UNC5D: variants seen among roughly 807,000 people sequenced by gnomAD.
UNC5D encodes the protein netrin receptor UNC5D.
In UNC5D, 39 loss-of-function variants were observed where a neutral mutation model predicts 105.4. The observed-to-expected ratio is 0.37, with a 90% confidence interval of 0.29 to 0.48. The LOEUF is 0.48. Among genes scored for constraint, UNC5D ranks in the 20% least tolerant of loss-of-function variants. The pLI is 0.98. For synonymous variants in UNC5D, 452 were observed against 450.4 expected, an observed-to-expected ratio of 1.00 and a Z score of -0.04; for missense variants, 991 against 1,202.4, an observed-to-expected ratio of 0.82 and a Z score of 2.60.
chr8:35,467,024 A>G (rs761055275), intron 1 of UNC5D, among the ~76,000 whole-genome samples: 3 of 152,178 alleles, frequency 2.0e-5, no homozygotes, highest in Non-Finnish European at 4.4e-5. Context: ...GCTGTCTCCT[A>G]GAGACTCTTT....
chr8:35,680,324 CAT>C (rs1412108866), intron 4 of UNC5D, among the ~76,000 whole-genome samples: 1 of 152,170 alleles, frequency 6.6e-6, no homozygotes, highest in Non-Finnish European at 1.5e-5. Flanking sequence ...TGGTAGGAAA[CAT>C]ATTGCTCTAA....
intron 3 of UNC5D, among the ~76,000 whole-genome samples, chr8:35,583,294 A>G (rs1412045670): frequency 1.3e-5 from 2 of 152,132 alleles, no homozygotes. Context: ...TTTAAGCTGT[A>G]GTTAGCTATG....
chr8:35,339,446 C>A (rs749839943), intron 1 of UNC5D, among the ~76,000 whole-genome samples: 17 of 152,126 alleles, frequency 1.1e-4, no homozygotes, highest in Non-Finnish European at 1.6e-4. Flanking sequence ...TCTATTTATG[C>A]TCAAAGTGAA....
intron 1 of UNC5D, chr8:35,525,339 AT>A (rs1273149299): frequency 1.1e-5 from 17 of 1,612,150 alleles, no homozygotes; most frequent in African/African-American, 9.3e-5. Flanking sequence ...TGGGGGTGTA[AT>A]AACAACTTCT....
At chr8:35,761,530 T>G (rs1801535146) in intron 14 of UNC5D, among the ~76,000 whole-genome samples, 1 of 152,212 alleles carries the variant, frequency 6.6e-6, no homozygotes, top group Non-Finnish European at 1.5e-5. Context: ...ACTGCCGGGA[T>G]GGGCTGGATT....
At chr8:35,589,753 A>T (rs76833864) in intron 3 of UNC5D, among the ~76,000 whole-genome samples, 1,966 of 152,298 alleles carry the variant, frequency 0.013, 40 homozygotes, top group African/African-American at 0.044. Flanking sequence ...TCATACAATA[A>T]GTGGACTTTT....
chr8:35,528,599 C>G (rs1206704003), intron 1 of UNC5D, among the ~76,000 whole-genome samples: 1 of 146,790 alleles, frequency 6.8e-6, no homozygotes, highest in Non-Finnish European at 1.5e-5. Context: ...ATTTCTAGTT[C>G]TAGATCCCTG....
intron 1 of UNC5D, among the ~76,000 whole-genome samples, chr8:35,373,584 C>A (rs1332976225): frequency 2.0e-5 from 3 of 152,122 alleles, no homozygotes. Flanking sequence ...ATAAAGCTGA[C>A]AATTCATGCA....
intron 1 of UNC5D, among the ~76,000 whole-genome samples, chr8:35,351,480 A>G (rs1812234014): frequency 6.6e-6 from 1 of 152,100 alleles, no homozygotes; most frequent in African/African-American, 2.4e-5. Context: ...CTCAAGTATT[A>G]TGGAAAGGCG....
intron 7 of UNC5D, among the ~76,000 whole-genome samples, chr8:35,690,059 T>A (rs968782626): frequency 7.9e-5 from 12 of 152,340 alleles, no homozygotes; most frequent in Admixed American, 7.8e-4. Flanking sequence ...GCCTTTTCTT[T>A]CTATTCAATC....
At chr8:35,682,164 C>G (rs1395857770) in intron 4 of UNC5D, among the ~76,000 whole-genome samples, 1 of 152,132 alleles carries the variant, frequency 6.6e-6, no homozygotes, top group Non-Finnish European at 1.5e-5. Context: ...AGGGTTTCAC[C>G]ATGTTGGTCA....
chr8:35,627,772 T>C (rs1489848886), intron 4 of UNC5D, among the ~76,000 whole-genome samples: 1 of 151,944 alleles, frequency 6.6e-6, no homozygotes, highest in African/African-American at 2.4e-5. Context: ...CTCCAAAAAA[T>C]AGAAAAATTA....
intron 1 of UNC5D, among the ~76,000 whole-genome samples, chr8:35,469,469 T>C (rs140410171): frequency 0.022 from 3,279 of 152,294 alleles, 57 homozygotes; most frequent in Admixed American, 0.065. Flanking sequence ...TTGTCATCAT[T>C]TACTGGGACA....
At chr8:35,705,334 C>G (rs10503982) in intron 7 of UNC5D, among the ~76,000 whole-genome samples, 8,648 of 152,184 alleles carry the variant, frequency 0.057, 491 homozygotes, top group African/African-American at 0.13. Context: ...AAAATGACAA[C>G]TTTTCCATTG....
At chr8:35,246,499 C>T (rs1435982196) in intron 1 of UNC5D, among the ~76,000 whole-genome samples, 2 of 151,990 alleles carry the variant, frequency 1.3e-5, no homozygotes, top group Non-Finnish European at 2.9e-5. Flanking sequence ...AGGAGAAGAC[C>T]TGGAGGAGTT....
At chr8:35,456,978 G>T (rs1341985564) in intron 1 of UNC5D, among the ~76,000 whole-genome samples, 2 of 152,148 alleles carry the variant, frequency 1.3e-5, no homozygotes, top group Admixed American at 6.6e-5. Context: ...TATGTTACTT[G>T]TGGTGCATTT....
intron 1 of UNC5D, among the ~76,000 whole-genome samples, chr8:35,351,895 A>T (rs1812264410): frequency 6.6e-6 from 1 of 152,146 alleles, no homozygotes; most frequent in Non-Finnish European, 1.5e-5. Context: ...ATGGATATAG[A>T]AGGTAGAAAC....
chr8:35,450,213 A>T (rs1281155239), intron 1 of UNC5D, among the ~76,000 whole-genome samples: 1 of 152,134 alleles, frequency 6.6e-6, no homozygotes. Flanking sequence ...CTGGGTGAGG[A>T]AATGCACAGT....
intron 4 of UNC5D, among the ~76,000 whole-genome samples, chr8:35,664,344 A>G (rs1227563942): frequency 2.0e-5 from 3 of 152,068 alleles, no homozygotes; most frequent in Non-Finnish European, 4.4e-5. Context: ...GTTGAGTCCA[A>G]TTGCCTAAGT....
Sources: gnomAD v4.1 joint callset for allele counts (sites outside exome capture counted in the v4.1 genomes callset) on GRCh38, gnomAD v4.1.1 for gene constraint, MANE v1.5 for transcripts, NCBI Gene and HGNC (gene_info 2026-07-23, HGNC 2026-07-21) for gene names.